SLC9C2: variants seen among roughly 807,000 people sequenced by gnomAD.
SLC9C2 encodes the protein sodium/hydrogen exchanger 11.
In SLC9C2, 75 loss-of-function variants were observed where a neutral mutation model predicts 140.2. The observed-to-expected ratio is 0.53, with a 90% CI of 0.44 to 0.65. The LOEUF is 0.65. Ranked by LOEUF, SLC9C2 falls within the 30% of genes least tolerant of loss-of-function variation. The pLI is 0.00. For synonymous variants in SLC9C2, 375 were observed against 420.9 expected (o/e 0.89, Z 1.34); for missense variants, 1,074 against 1,331.8 (o/e 0.81, Z 3.01).
Position 173,583,509 on chromosome 1 carries a change from TA to T in SLC9C2, c.636del (p.Phe212LeufsTer6). 6.4e-7 allele frequency: 1 copy of T among 1,572,498 alleles called. No individual in the cohort carries two copies. The highest frequency in any genetic ancestry group is 8.7e-7 in the Non-Finnish European group (1 of 1,151,234). ...FRGNRIHFSI[F>X]RDLHVGIELS... ...TACAGACAAAAAATGCTCCTACCTC[TA>T]AAAATAGAAAAGTGGATTCTGTTGC... On this transcript the variant is annotated frameshift_variant, in exon 6 of 28. Transcript: ENST00000367714. LOFTEE classifies it high-confidence loss of function.
Position 173,505,267 on chromosome 1 carries a change from T to A in SLC9C2, c.3290A>T (p.Asn1097Ile), listed in dbSNP as rs763155240. Residue 1097 changes from asparagine (N) to isoleucine (I), a missense_variant, in exon 26 of 28, where the codon AAT (asparagine) becomes ATT (isoleucine). Transcript: ENST00000367714. ...CTTACCCATGACATTGGTGTTACTATTTCTTTGGGTAAGCTCAGATGCTTG... is the reference window on the plus strand; with the variant it reads ...CTTACCCATGACATTGGTGTTACTAATTCTTTGGGTAAGCTCAGATGCTTG... ...IIQASELTQRNSNTNVMASVN... is the reference protein window; with the variant it reads ...IIQASELTQRISNTNVMASVN... The A allele has an allele frequency of 6.2e-7, 1 of 1,614,056 alleles. No homozygotes were observed. Among genetic ancestry groups the A allele is most frequent in the South Asian group, 1.1e-5 (1 of 91,066 alleles).
At chr1:173,557,702 A>G (rs1353188205) in intron 9 of SLC9C2, among the ~76,000 whole-genome samples, 194 bp from the exon 10 acceptor site, 1 of 152,218 alleles carries the variant, frequency 6.6e-6, no homozygotes, top group African/African-American at 2.4e-5. Context: ...CATAACACTT[A>G]AGTCTTGAAA....
intron 4 of SLC9C2, among the ~76,000 whole-genome samples, chr1:173,597,015 A>T (rs1250826061): frequency 6.6e-6 from 1 of 152,058 alleles, no homozygotes; most frequent in Non-Finnish European, 1.5e-5. Context: ...GAAAAATAAT[A>T]TTGGGAAAAA....
In SLC9C2 at chr1:173,524,794, G is replaced by A. The variant is rs1051673576; in HGVS notation, c.2499C>T (p.Val833=). The A allele has an allele frequency of 5.0e-6, 8 of 1,613,736 alleles. No homozygotes were observed. The African/African-American group carries it at 6.7e-5, about 13-fold the overall frequency. ...GCAAAATTACCTTATTTATCTCAAT[G>A]ACTTCATGCTTATCAATAATGCCTC... ...CSRGIIDKHE[V]IEINKVLLKK... is the part of the protein sequence containing the mutation. Residue 833 remains valine (V), a synonymous_variant, in exon 20 of 28, where the codon GTC becomes GTT. Transcript: ENST00000367714.
At chr1:173,539,442 A>T (rs1344979862) in intron 13 of SLC9C2, among the ~76,000 whole-genome samples, 3 of 152,170 alleles carry the variant, frequency 2.0e-5, no homozygotes, top group Non-Finnish European at 4.4e-5. Flanking sequence ...AAGAGGACTG[A>T]CTCCAGCAAC....
At chr1:173,586,455 A>T (rs1338023089) in intron 5 of SLC9C2, among the ~76,000 whole-genome samples, 1 of 152,210 alleles carries the variant, frequency 6.6e-6, no homozygotes, top group Non-Finnish European at 1.5e-5. Context: ...CAGAAACCAT[A>T]GCATCTAGCC....
chr1:173,583,391 T>C, intron 6 of SLC9C2, 115 bp downstream of exon 6: 1 of 574,356 alleles, frequency 1.7e-6, no homozygotes, highest in South Asian at 3.1e-5. Context: ...TCATATATCA[T>C]TGTAATCAGC....
intron 9 of SLC9C2, among the ~76,000 whole-genome samples, chr1:173,567,289 T>C (rs1007251605): frequency 3.3e-5 from 5 of 152,262 alleles, no homozygotes; most frequent in African/African-American, 4.8e-5. Flanking sequence ...TATTATTGCA[T>C]TGAGGTTTCT....
At chr1:173,507,244 C>A (rs1056449432) in intron 24 of SLC9C2, among the ~76,000 whole-genome samples, 2 of 152,132 alleles carry the variant, frequency 1.3e-5, no homozygotes, top group Admixed American at 6.5e-5. Context: ...TGTTAATGGG[C>A]CCTGGATACT....
intron 27 of SLC9C2, 94 bp downstream of exon 27, chr1:173,503,172 C>A: frequency 1.1e-6 from 1 of 948,782 alleles, no homozygotes; most frequent in Non-Finnish European, 1.6e-6. Context: ...TTTCTCACCA[C>A]CTACAATTTG....
intron 7 of SLC9C2, among the ~76,000 whole-genome samples, chr1:173,578,629 G>C (rs181252602): frequency 6.6e-6 from 1 of 152,310 alleles, no homozygotes; most frequent in East Asian, 1.9e-4. Flanking sequence ...CACAGTTCTG[G>C]AGCTAGAAGT....
At chr1:173,554,694 T>C (rs1663550162) in intron 11 of SLC9C2, 39 bp downstream of exon 11, 1 of 1,293,066 alleles carries the variant, frequency 7.7e-7, no homozygotes, top group Admixed American at 1.7e-5. Flanking sequence ...GTTTGTATTA[T>C]TCTCCCCAGC....
Position 173,526,643 on chromosome 1 carries a change from C to T in SLC9C2, c.2365+20G>A, listed in dbSNP as rs189008350. On this transcript the variant is annotated intron_variant, in intron 19 of 27. Coordinates refer to ENST00000367714, the MANE Select transcript of SLC9C2 (RefSeq NM_178527.4). ...ACAATAAGGTATGACTTTAAGAACT[C>T]AGATACTTCAACTACCTACCTAATT... is the stretch of plus-strand genomic sequence containing the variant. 2.2e-5 allele frequency: 35 copies of T among 1,576,420 alleles called. No individual in the cohort carries two copies. The East Asian group carries it at 4.8e-4, about 21-fold the overall frequency.
At chr1:173,502,449 C>G (rs1659350206) in intron 27 of SLC9C2, among the ~76,000 whole-genome samples, 1 of 152,116 alleles carries the variant, frequency 6.6e-6, no homozygotes, top group African/African-American at 2.4e-5. Flanking sequence ...CCAGTCCACC[C>G]AGCAGTCTGC....
chr1:173,568,594 C>T (rs1360757635), intron 9 of SLC9C2, among the ~76,000 whole-genome samples: 2 of 152,104 alleles, frequency 1.3e-5, no homozygotes, highest in African/African-American at 4.8e-5. Flanking sequence ...TGAACATTCA[C>T]GTTCATGTGT....
chr1:173,561,514 GTT>G (rs1313548861), intron 9 of SLC9C2, among the ~76,000 whole-genome samples: 1 of 152,178 alleles, frequency 6.6e-6, no homozygotes, highest in Non-Finnish European at 1.5e-5. Context: ...CAGTGTCTCT[GTT>G]CTACCCTTAG....
chr1:173,513,929 G>A lies in SLC9C2; in HGVS notation c.2907+3608C>T, dbSNP rs191092238. Among the ~76,000 whole-genome samples the A allele has an allele frequency of 7.9e-5, 12 of 152,322 alleles. No individual in the cohort carries two copies. In the East Asian group the frequency reaches 1.5e-3, roughly 20 times the overall value. ...TTATTTACCCAGGAGTTATTCAGGA[G>A]CAGATTGTTCAATTTCCATGTAGTT... On this transcript the variant is annotated intron_variant, in intron 23 of 27. Coordinates refer to ENST00000367714, the MANE Select transcript of SLC9C2 (RefSeq NM_178527.4).
At chr1:173,544,011 C>T (rs1208141377) in intron 13 of SLC9C2, among the ~76,000 whole-genome samples, 2 of 152,118 alleles carry the variant, frequency 1.3e-5, no homozygotes, top group African/African-American at 4.8e-5. Flanking sequence ...CAAATGGGAT[C>T]TAATTAAACT....
intron 11 of SLC9C2, among the ~76,000 whole-genome samples, chr1:173,549,747 C>T (rs927617019): frequency 6.6e-6 from 1 of 152,136 alleles, no homozygotes; most frequent in Non-Finnish European, 1.5e-5. Context: ...AGATAAAGTA[C>T]TTGCTATACA....
Sources: allele counts gnomAD v4.1 joint callset (sites outside exome capture counted in the v4.1 genomes callset), GRCh38; gene constraint gnomAD v4.1.1; transcripts MANE v1.5; gene names NCBI Gene and HGNC (gene_info 2026-07-23, HGNC 2026-07-21).